Variants in DRD2 observed in about 807,000 individuals in gnomAD.
DRD2 encodes D(2) dopamine receptor.
In DRD2, 8 loss-of-function variants were observed where a neutral mutation model predicts 38.0. The ratio of observed to expected loss-of-function variants is 0.21; its 90% confidence interval spans 0.12 to 0.38. The LOEUF (loss-of-function observed/expected upper bound fraction) is 0.38, where lower values mean the gene tolerates loss of function less well. DRD2 is among the 10% of genes least tolerant of loss of function. The pLI, the probability that DRD2 is intolerant of heterozygous loss-of-function variation, is 1.00. For missense variants in DRD2, 403 were observed against 607.7 expected, an observed-to-expected ratio of 0.66 and a Z score of 3.54; for synonymous variants, 230 against 238.6, an observed-to-expected ratio of 0.96 and a Z score of 0.33.
At chr11:113,457,032 A>G (rs1175689113) in intron 1 of DRD2, among the ~76,000 whole-genome samples, 1 of 152,126 alleles carries the variant, frequency 6.6e-6, no homozygotes, top group Non-Finnish European at 1.5e-5. Flanking sequence ...AGCATTTGAG[A>G]GGCAGCCACC....
rs1950841875 is a variant in DRD2, at chr11:113,417,887, C to A, written c.395+140G>T. 1.8e-5 allele frequency: 13 copies of A among 726,996 alleles called. No individual in the cohort carries two copies. The South Asian group carries it at 1.9e-4, about 11-fold the overall frequency. 45.0% of individuals were successfully genotyped at this position (726,996 alleles called of 1,614,324 possible). ...AAACATACACACATGCACACCCATA[C>A]ACACAAACACATGGACCCCCATGCA... On this transcript the variant is annotated intron_variant, in intron 3 of 7. Coordinates refer to ENST00000362072, the MANE Select transcript of DRD2 (RefSeq NM_000795.4).
At chr11:113,426,179 G>A (rs1188476022) in intron 1 of DRD2, among the ~76,000 whole-genome samples, 1 of 152,114 alleles carries the variant, frequency 6.6e-6, no homozygotes, top group African/African-American at 2.4e-5. Flanking sequence ...TCCTTGGATA[G>A]GTGTGGGGCA....
At chr11:113,441,982 T>C (rs1951098157) in intron 1 of DRD2, among the ~76,000 whole-genome samples, 1 of 151,904 alleles carries the variant, frequency 6.6e-6, no homozygotes, top group South Asian at 2.1e-4. Context: ...TCCACGCTTG[T>C]TCCCCACATC....
chr11:113,437,991 G>A (rs1398373736), intron 1 of DRD2, among the ~76,000 whole-genome samples: 3 of 152,134 alleles, frequency 2.0e-5, no homozygotes, highest in African/African-American at 7.2e-5. Flanking sequence ...GCCTCTCCCA[G>A]TTGATGGAAG....
At chr11:113,439,282 A>T (rs985710623) in intron 1 of DRD2, among the ~76,000 whole-genome samples, 1 of 152,130 alleles carries the variant, frequency 6.6e-6, no homozygotes, top group Admixed American at 6.5e-5. Context: ...TGCTTCCTGG[A>T]TGTTTGTTAT....
chr11:113,414,865 C>T (rs887781497), intron 5 of DRD2, among the ~76,000 whole-genome samples: 2 of 152,188 alleles, frequency 1.3e-5, no homozygotes, highest in Non-Finnish European at 2.9e-5. Context: ...AGGATCTGAA[C>T]CTGATGCGTC....
At chr11:113,417,674 A>G (rs1434606675) in intron 3 of DRD2, among the ~76,000 whole-genome samples, 1 of 152,204 alleles carries the variant, frequency 6.6e-6, no homozygotes, top group Non-Finnish European at 1.5e-5. Context: ...AGGTTTCTAG[A>G]AAATGAAACT....
intron 1 of DRD2, among the ~76,000 whole-genome samples, chr11:113,440,266 CT>C (rs539982896): frequency 3.4e-4 from 52 of 152,284 alleles, no homozygotes; most frequent in South Asian, 1.7e-3. Flanking sequence ...AGGCCATAAA[CT>C]TTTCTTTTAA....
At chr11:113,447,884 C>T (rs1019035418) in intron 1 of DRD2, among the ~76,000 whole-genome samples, 7 of 152,190 alleles carry the variant, frequency 4.6e-5, no homozygotes, top group African/African-American at 1.2e-4. Context: ...TGCCATGATG[C>T]GATCTCCAGC....
At chr11:113,416,740 A>C in intron 4 of DRD2, 123 bp downstream of exon 4, 1 of 1,392,210 alleles carries the variant, frequency 7.2e-7, no homozygotes, top group South Asian at 1.3e-5. Context: ...AGTCCAGGGT[A>C]GTGATAGGCC....
chr11:113,446,649 G>A (rs1014731474), intron 1 of DRD2, among the ~76,000 whole-genome samples: 1 of 152,180 alleles, frequency 6.6e-6, no homozygotes, highest in African/African-American at 2.4e-5. Context: ...GCAAATGCAA[G>A]ATGGGATATT....
intron 1 of DRD2, among the ~76,000 whole-genome samples, chr11:113,450,982 C>CTG (rs1379699645): frequency 2.9e-4 from 44 of 152,278 alleles, no homozygotes; most frequent in African/African-American, 9.9e-4. Flanking sequence ...ACTGTAGCCC[C>CTG]CAGTCAAAGG....
chr11:113,424,631 G>A lies in DRD2; in HGVS notation c.21C>T (p.Ser7=). The A allele has an allele frequency of 6.2e-7, 1 of 1,614,164 alleles. No homozygotes were observed. The highest frequency in any genetic ancestry group is 8.5e-7 in the Non-Finnish European group (1 of 1,180,044). The change falls in exon 2 of 8, where the codon TCC becomes TCT. Residue 7 remains serine (S), a synonymous_variant. Coordinates refer to ENST00000362072, the MANE Select transcript of DRD2 (RefSeq NM_000795.4). ...GCCTCTCCAGATCATCATCATACCA[G>A]GACAGATTCAGTGGATCCATCAGGG... is the stretch of plus-strand genomic sequence containing the variant. MDPLNL[S]WYDDDLERQN...
chr11:113,410,989 A>C, intron 7 of DRD2, 69 bp from the exon 8 acceptor site: 1 of 1,535,088 alleles, frequency 6.5e-7, no homozygotes. Context: ...ACCCACACCC[A>C]GTGCGCCCTG....
At chr11:113,420,904 G>A (rs1221381980) in intron 2 of DRD2, among the ~76,000 whole-genome samples, 2 of 152,124 alleles carry the variant, frequency 1.3e-5, no homozygotes, top group African/African-American at 4.8e-5. Context: ...CAGGCATCCA[G>A]GCATCATTCC....
At chr11:113,424,237 G>C in intron 2 of DRD2, 130 bp downstream of exon 2, 1 of 950,768 alleles carries the variant, frequency 1.1e-6, no homozygotes, top group Non-Finnish European at 1.6e-6. Context: ...TAAGCCCAGA[G>C]TGAAGGAAAA....
At position 113,450,829 on chromosome 11, in the gene DRD2, C is replaced by A. The variant is rs556347711; in HGVS notation, c.-32+24247G>T. Among the ~76,000 whole-genome samples the A allele has an allele frequency of 4.6e-5, 7 of 152,316 alleles. No individual in the cohort carries two copies. The South Asian group carries it at 1.2e-3, about 27-fold the overall frequency. On this transcript the variant is annotated intron_variant, in intron 1 of 7. Coordinates refer to ENST00000362072, the MANE Select transcript of DRD2 (RefSeq NM_000795.4). ...CCAAAAATTTACATTGTTAATATTTCTCCCAGCTTTCTCCAAACGGACCAC... is the reference window on the plus strand; with the variant it reads ...CCAAAAATTTACATTGTTAATATTTATCCCAGCTTTCTCCAAACGGACCAC...
At chr11:113,455,481 T>G (rs1303205197) in intron 1 of DRD2, among the ~76,000 whole-genome samples, 2 of 152,202 alleles carry the variant, frequency 1.3e-5, no homozygotes, top group African/African-American at 4.8e-5. Context: ...CTAAAATGTT[T>G]CTACGTAGTG....
At chr11:113,434,292 C>A (rs1433778822) in intron 1 of DRD2, among the ~76,000 whole-genome samples, 1 of 152,222 alleles carries the variant, frequency 6.6e-6, no homozygotes, top group Non-Finnish European at 1.5e-5. Flanking sequence ...CCCAGCACAG[C>A]CTTGGCAATA....
Sources: gnomAD v4.1 joint callset for allele counts (sites outside exome capture counted in the v4.1 genomes callset) on GRCh38, gnomAD v4.1.1 for gene constraint, MANE v1.5 for transcripts, NCBI Gene and HGNC (gene_info 2026-07-23, HGNC 2026-07-21) for gene names.